NDFIP2: variants seen among roughly 807,000 people sequenced by gnomAD.
The protein encoded by NDFIP2 is Nedd4 family interacting protein 2, also known as NEDD4 family-interacting protein 2.
NDFIP2 carries 19 observed loss-of-function variants against 36.0 expected under a neutral mutation model. That is an observed-to-expected ratio of 0.53 (90% CI 0.37 to 0.77). The LOEUF (loss-of-function observed/expected upper bound fraction) is 0.77. Ranked by LOEUF, NDFIP2 falls within the 30% of genes least tolerant of loss-of-function variation. NDFIP2 has a pLI of 0.00. For missense variants in NDFIP2, 446 were observed against 435.8 expected, an observed-to-expected ratio of 1.02 and a Z score of -0.21; for synonymous variants, 181 against 167.7, an observed-to-expected ratio of 1.08 and a Z score of -0.61.
Position 79,539,765 on chromosome 13 carries a change from G to C in NDFIP2, c.705G>C (p.Leu235=). ...LRVGNDGIFM[L]AFFMAFIFNW... is the part of the protein sequence containing the mutation. ...TGGGGAATGATGGCATTTTCATGCT[G>C]GCATTTTTCAGTAAGTAATCTTCCT... The change falls in exon 4 of 8, where the codon CTG becomes CTC. Residue 235 remains leucine, a synonymous_variant. Coordinates refer to ENST00000218652, the MANE Select transcript of NDFIP2 (RefSeq NM_019080.3). 1 of 1,613,482 alleles carries C rather than the reference G, an allele frequency of 6.2e-7. No homozygotes were observed. Among genetic ancestry groups the C allele is most frequent in the Non-Finnish European group, 8.5e-7 (1 of 1,179,594 alleles).
At chr13:79,481,994 G>C (rs1030644159) in intron 1 of NDFIP2, among the ~76,000 whole-genome samples, 5 of 152,086 alleles carry the variant, frequency 3.3e-5, no homozygotes, top group African/African-American at 1.2e-4. Flanking sequence ...GGGGTGGGAT[G>C]TGGATTTGGC....
At chr13:79,487,479 G>A (rs141016905) in intron 1 of NDFIP2, among the ~76,000 whole-genome samples, 18 of 152,186 alleles carry the variant, frequency 1.2e-4, no homozygotes, top group African/African-American at 4.1e-4. Flanking sequence ...TTATATTCTT[G>A]TACAAATCTT....
At chr13:79,493,417 G>A (rs1042147945) in intron 1 of NDFIP2, among the ~76,000 whole-genome samples, 2 of 152,046 alleles carry the variant, frequency 1.3e-5, no homozygotes, top group Non-Finnish European at 2.9e-5. Flanking sequence ...GATGAGTTCT[G>A]GTATTTTTGA....
chr13:79,498,875 A>T (rs1227699007), intron 1 of NDFIP2, among the ~76,000 whole-genome samples: 2 of 152,090 alleles, frequency 1.3e-5, no homozygotes, highest in Middle Eastern at 3.4e-3. Flanking sequence ...AATTCGCTAC[A>T]GTCTTTTCCA....
chr13:79,537,655 A>C (rs1690138290), intron 3 of NDFIP2, among the ~76,000 whole-genome samples: 1 of 152,174 alleles, frequency 6.6e-6, no homozygotes, highest in African/African-American at 2.4e-5. Context: ...ATGGTTTTGA[A>C]AGTTTTTTTA....
At chr13:79,506,391 T>C (rs1873868946) in intron 1 of NDFIP2, among the ~76,000 whole-genome samples, 1 of 152,176 alleles carries the variant, frequency 6.6e-6, no homozygotes, top group South Asian at 2.1e-4. Flanking sequence ...AAATATTCTT[T>C]CAAAACACCA....
At position 79,481,367 on chromosome 13, in the gene NDFIP2, G is replaced by C; in HGVS notation, c.164G>C (p.Gly55Ala). Residue 55 changes from glycine to alanine, a missense_variant, in exon 1 of 8, where the codon GGC (glycine) becomes GCC (alanine). This residue lies in a region of NDFIP2 where 369 missense variants were observed against 304.8 expected (regional missense o/e 1.21). Transcript: ENST00000218652. Reference sequence around the variant, plus strand: ...GAAGAGCTTCCGCCGGGAGACCGCGGCTGCAGGAACGGAGGCGGAAGGGGC... The same window carrying C: ...GAAGAGCTTCCGCCGGGAGACCGCGCCTGCAGGAACGGAGGCGGAAGGGGC... ...GSEELPPGDR[G>A]CRNGGGRGPA... 6.4e-7 allele frequency: 1 copy of C among 1,552,990 alleles called. No individual in the cohort carries two copies. Among genetic ancestry groups the C allele is most frequent in the Non-Finnish European group, 8.7e-7 (1 of 1,148,588 alleles).
chr13:79,499,573 T>C, intron 1 of NDFIP2, among the ~76,000 whole-genome samples: 1 of 151,940 alleles, frequency 6.6e-6, no homozygotes, highest in East Asian at 1.9e-4. Flanking sequence ...AAGACTGTTT[T>C]CCTAAATGCT....
chr13:79,524,097 C>T (rs1050610500), intron 2 of NDFIP2, among the ~76,000 whole-genome samples: 9 of 152,178 alleles, frequency 5.9e-5, no homozygotes, highest in Admixed American at 2.0e-4. Flanking sequence ...GTAATGGCCA[C>T]GTTACTGATT....
intron 1 of NDFIP2, among the ~76,000 whole-genome samples, chr13:79,516,626 T>A (rs1053318755): frequency 2.6e-5 from 4 of 152,200 alleles, no homozygotes; most frequent in Non-Finnish European, 4.4e-5. Context: ...TATTCATTGG[T>A]TTTTTAGATC....
chr13:79,511,799 C>T (rs1041956841), intron 1 of NDFIP2, among the ~76,000 whole-genome samples: 3 of 152,152 alleles, frequency 2.0e-5, no homozygotes, highest in Admixed American at 6.5e-5. Flanking sequence ...GGAAGGCAGA[C>T]GTATTCCCAA....
At chr13:79,526,291 T>C (rs1874793895) in intron 2 of NDFIP2, among the ~76,000 whole-genome samples, 1 of 152,154 alleles carries the variant, frequency 6.6e-6, no homozygotes, top group Non-Finnish European at 1.5e-5. Flanking sequence ...TTAGGTGCCT[T>C]TGAGAACTAA....
At chr13:79,494,596 A>G (rs529628278) in intron 1 of NDFIP2, among the ~76,000 whole-genome samples, 4 of 151,908 alleles carry the variant, frequency 2.6e-5, no homozygotes, top group African/African-American at 7.2e-5. Context: ...CTCCTATTTC[A>G]TCAGTACTGT....
intron 1 of NDFIP2, among the ~76,000 whole-genome samples, chr13:79,520,439 T>A (rs1874525740): frequency 6.6e-6 from 1 of 152,186 alleles, no homozygotes; most frequent in African/African-American, 2.4e-5. Flanking sequence ...GGAGTCTTCT[T>A]TTGGTACCTG....
chr13:79,550,853 A>C (rs985758650), intron 6 of NDFIP2, among the ~76,000 whole-genome samples, 164 bp from the exon 7 acceptor site: 2 of 151,632 alleles, frequency 1.3e-5, no homozygotes, highest in Non-Finnish European at 3.0e-5. Context: ...TCCTTGTGAC[A>C]GAGTTTATCC....
At chr13:79,498,841 A>G (rs892389825) in intron 1 of NDFIP2, among the ~76,000 whole-genome samples, 15 of 151,122 alleles carry the variant, frequency 9.9e-5, no homozygotes, top group South Asian at 4.1e-4. Context: ...GCATCTAACA[A>G]TAATTTAAGG....
intron 1 of NDFIP2, among the ~76,000 whole-genome samples, chr13:79,507,440 AT>A (rs1298007422): frequency 1.6e-5 from 1 of 63,086 alleles, no homozygotes; most frequent in East Asian, 4.8e-4. Context: ...CGCCCGGCTA[AT>A]TTTTTTGTAT....
intron 1 of NDFIP2, among the ~76,000 whole-genome samples, chr13:79,496,209 G>A (rs994603557): frequency 4.6e-5 from 7 of 151,886 alleles, no homozygotes; most frequent in African/African-American, 9.7e-5. Context: ...CTTAAGAACT[G>A]CATTTCTTAA....
intron 1 of NDFIP2, among the ~76,000 whole-genome samples, chr13:79,513,917 CTT>C (rs1369151512): frequency 6.6e-6 from 1 of 152,092 alleles, no homozygotes; most frequent in African/African-American, 2.4e-5. Flanking sequence ...AAGCATATCT[CTT>C]TTAATTAAAG....
Sources: allele counts gnomAD v4.1 joint callset (sites outside exome capture counted in the v4.1 genomes callset), GRCh38; gene constraint gnomAD v4.1.1; regional missense constraint gnomAD v4.1.1; transcripts MANE v1.5; gene names NCBI Gene and HGNC (gene_info 2026-07-23, HGNC 2026-07-21).